The following PRKG1 variants were observed in gnomAD, a reference collection of about 807,000 sequenced individuals.
PRKG1 encodes protein kinase cGMP-dependent 1.
PRKG1 carries 35 observed loss-of-function variants against 88.1 expected under a neutral mutation model. The ratio of observed to expected loss-of-function variants is 0.40; its 90% CI spans 0.30 to 0.53. PRKG1 has a LOEUF of 0.53. Ranked by LOEUF, PRKG1 falls within the 20% of genes least tolerant of loss-of-function variation. The pLI is 0.59. For missense variants in PRKG1, 540 were observed against 839.8 expected (o/e 0.64, Z 4.41); for synonymous variants, 303 against 292.5 (o/e 1.04, Z -0.37).
intron 2 of PRKG1, among the ~76,000 whole-genome samples, chr10:51,450,967 A>C (rs1406281804): frequency 6.6e-6 from 1 of 151,934 alleles, no homozygotes; most frequent in African/African-American, 2.4e-5. Context: ...AAGTGTATTC[A>C]GCTAACTAGG....
chr10:51,844,686 C>T (rs1258913340), intron 4 of PRKG1, among the ~76,000 whole-genome samples: 1 of 152,114 alleles, frequency 6.6e-6, no homozygotes, highest in East Asian at 1.9e-4. Context: ...GAAAGAGCAT[C>T]AAACTTTGAT....
intron 5 of PRKG1, among the ~76,000 whole-genome samples, chr10:52,013,523 G>A (rs768132789): frequency 6.6e-4 from 101 of 152,150 alleles, no homozygotes; most frequent in Admixed American, 9.8e-4. Flanking sequence ...CTCTTGAATG[G>A]GTGGAACTCT....
intron 5 of PRKG1, among the ~76,000 whole-genome samples, chr10:51,936,674 T>A (rs1842806273): frequency 6.6e-6 from 1 of 152,088 alleles, no homozygotes; most frequent in African/African-American, 2.4e-5. Context: ...AATTTTTTGT[T>A]TGTTTGTTTC....
intron 2 of PRKG1, among the ~76,000 whole-genome samples, chr10:51,308,032 A>G (rs1841083634): frequency 6.6e-6 from 1 of 152,200 alleles, no homozygotes; most frequent in South Asian, 2.1e-4. Context: ...TTGAAAACCA[A>G]ATAAGAAAAT....
At chr10:51,676,845 A>G (rs1269638010) in intron 3 of PRKG1, among the ~76,000 whole-genome samples, 1 of 152,196 alleles carries the variant, frequency 6.6e-6, no homozygotes, top group Non-Finnish European at 1.5e-5. Flanking sequence ...CATTGATTCA[A>G]GGCTAATGTA....
chr10:52,277,783 C>T (rs1841908467), intron 12 of PRKG1, among the ~76,000 whole-genome samples: 2 of 152,162 alleles, frequency 1.3e-5, no homozygotes. Context: ...TAATATTCTG[C>T]AGACATTTCA....
chr10:52,049,678 A>G (rs1010474190), intron 5 of PRKG1, among the ~76,000 whole-genome samples: 4 of 152,092 alleles, frequency 2.6e-5, no homozygotes, highest in Non-Finnish European at 4.4e-5. Context: ...GAACAAGGGA[A>G]AAAAACAATG....
intron 2 of PRKG1, among the ~76,000 whole-genome samples, chr10:51,380,080 C>T (rs1053895951): frequency 6.6e-6 from 1 of 152,186 alleles, no homozygotes; most frequent in Non-Finnish European, 1.5e-5. Flanking sequence ...CCCTCTATGT[C>T]TAGGCTATTT....
intron 3 of PRKG1, among the ~76,000 whole-genome samples, chr10:51,639,828 A>C (rs1839754288): frequency 6.6e-6 from 1 of 152,116 alleles, no homozygotes; most frequent in Non-Finnish European, 1.5e-5. Context: ...ACCTAATAAA[A>C]GCTTTGCCTT....
rs1842213269 is a variant in PRKG1, at chr10:52,290,384, G to A, written c.1962+94G>A. On this transcript the variant is annotated intron_variant, in intron 17 of 17. Coordinates refer to ENST00000373980, the MANE Select transcript of PRKG1 (RefSeq NM_006258.4). Reference sequence around the variant, plus strand: ...TGTTATTTTTAAAGTTTAATCCTATGATTAAGTTAAACAAACTCTAGGAAA... The same window carrying A: ...TGTTATTTTTAAAGTTTAATCCTATAATTAAGTTAAACAAACTCTAGGAAA... 11 of 1,075,588 alleles carry A rather than the reference G, an allele frequency of 1.0e-5. No individual in the cohort carries two copies. In the South Asian group the frequency reaches 1.8e-4, roughly 17 times the overall value. 66.6% of individuals were successfully genotyped at this position (1,075,588 alleles called of 1,614,324 possible). A position where few individuals can be genotyped will look rare whatever the true frequency, so the allele number is the denominator to read the frequency against.
At chr10:51,501,187 A>C (rs1159109288) in intron 3 of PRKG1, among the ~76,000 whole-genome samples, 2 of 152,064 alleles carry the variant, frequency 1.3e-5, no homozygotes, top group African/African-American at 4.8e-5. Context: ...AGTTTGCCTA[A>C]ATTTCTGTGG....
At chr10:51,383,775 C>T (rs1458942826) in intron 2 of PRKG1, among the ~76,000 whole-genome samples, 2 of 152,182 alleles carry the variant, frequency 1.3e-5, no homozygotes, top group African/African-American at 2.4e-5. Context: ...CTTGCCTCTA[C>T]GTGAAACAGC....
chr10:52,010,994 C>G (rs1001839772), intron 5 of PRKG1, among the ~76,000 whole-genome samples: 1 of 152,150 alleles, frequency 6.6e-6, no homozygotes, highest in Non-Finnish European at 1.5e-5. Context: ...TTACTTGATT[C>G]AAGCATGAAA....
intron 3 of PRKG1, among the ~76,000 whole-genome samples, chr10:51,582,646 A>G (rs910080154): frequency 6.6e-6 from 1 of 151,040 alleles, no homozygotes; most frequent in African/African-American, 2.5e-5. Context: ...ATTCCTTTTT[A>G]TGGCTGCATA....
At chr10:51,958,484 G>C (rs1351580682) in intron 5 of PRKG1, among the ~76,000 whole-genome samples, 2 of 151,350 alleles carry the variant, frequency 1.3e-5, no homozygotes, top group Non-Finnish European at 2.9e-5. Flanking sequence ...AGGATAACTT[G>C]GTCCTTTGTG....
At chr10:52,278,574 A>G (rs1841926839) in intron 12 of PRKG1, among the ~76,000 whole-genome samples, 1 of 152,290 alleles carries the variant, frequency 6.6e-6, no homozygotes, top group African/African-American at 2.4e-5. Context: ...GCCCACAATG[A>G]CAGACAGGAT....
intron 3 of PRKG1, among the ~76,000 whole-genome samples, chr10:51,554,781 A>G (rs897831517): frequency 6.6e-6 from 1 of 151,788 alleles, no homozygotes; most frequent in African/African-American, 2.4e-5. Flanking sequence ...CCATGAGCAA[A>G]CATTTGTTAA....
At chr10:51,109,566 C>T (rs892610095) in intron 1 of PRKG1, among the ~76,000 whole-genome samples, 8 of 152,072 alleles carry the variant, frequency 5.3e-5, no homozygotes, top group Non-Finnish European at 7.4e-5. Flanking sequence ...TCACCTAATA[C>T]AGAAAGATTC....
At chr10:51,253,544 A>G (rs1159639409) in intron 2 of PRKG1, among the ~76,000 whole-genome samples, 1 of 151,826 alleles carries the variant, frequency 6.6e-6, no homozygotes, top group African/African-American at 2.4e-5. Flanking sequence ...TACATATTTC[A>G]TTCATCTCCA....
Sources: allele counts gnomAD v4.1 joint callset (sites outside exome capture counted in the v4.1 genomes callset), GRCh38; gene constraint gnomAD v4.1.1; transcripts MANE v1.5; gene names NCBI Gene and HGNC (gene_info 2026-07-23, HGNC 2026-07-21).